The following DOK6 variants were observed in gnomAD, a reference collection of about 807,000 sequenced individuals.
DOK6 encodes downstream of tyrosine kinase 6.
In DOK6, 22 loss-of-function variants were observed where a neutral mutation model predicts 44.0. The observed-to-expected ratio is 0.50, with a 90% CI of 0.36 to 0.71. The LOEUF is 0.71. Ranked by LOEUF, DOK6 falls within the 30% of genes least tolerant of loss-of-function variation. The probability of loss-of-function intolerance (pLI) is 0.00; values close to 1 mark genes in which losing one functional copy is unlikely to be tolerated. For synonymous variants in DOK6, 166 were observed against 145.5 expected (o/e 1.14, Z -1.01); for missense variants, 340 against 416.4 (o/e 0.82, Z 1.60).
chr18:69,535,707 A>G (rs17081169), intron 1 of DOK6, among the ~76,000 whole-genome samples: 25,719 of 151,764 alleles, frequency 0.17, 2,664 homozygotes, highest in East Asian at 0.4. Flanking sequence ...CTATAAAAAT[A>G]TAATACCTTA....
chr18:69,587,036 A>G (rs912518728), intron 2 of DOK6, among the ~76,000 whole-genome samples: 3 of 152,212 alleles, frequency 2.0e-5, no homozygotes, highest in Non-Finnish European at 4.4e-5. Flanking sequence ...AAATGGGGCT[A>G]TATAGAAAAT....
intron 2 of DOK6, among the ~76,000 whole-genome samples, chr18:69,598,692 T>C (rs1983803570): frequency 6.6e-6 from 1 of 152,020 alleles, no homozygotes; most frequent in South Asian, 2.1e-4. Flanking sequence ...CGGGGGAAAT[T>C]AAAGATGCAC....
chr18:69,474,130 T>G (rs1161080376), intron 1 of DOK6, among the ~76,000 whole-genome samples: 1 of 152,196 alleles, frequency 6.6e-6, no homozygotes, highest in Non-Finnish European at 1.5e-5. Flanking sequence ...AATATAGATT[T>G]TATTATATGT....
At chr18:69,790,474 A>C (rs929162883) in intron 7 of DOK6, among the ~76,000 whole-genome samples, 2 of 152,180 alleles carry the variant, frequency 1.3e-5, no homozygotes, top group African/African-American at 4.8e-5. Flanking sequence ...TAAATTATAA[A>C]GTCTAGAATG....
At chr18:69,625,134 C>T (rs1303146769) in intron 3 of DOK6, among the ~76,000 whole-genome samples, 1 of 152,086 alleles carries the variant, frequency 6.6e-6, no homozygotes, top group Non-Finnish European at 1.5e-5. Flanking sequence ...AGTAAGTGTT[C>T]AAAATGCCAT....
chr18:69,670,078 ATATT>A (rs150903955), intron 3 of DOK6, among the ~76,000 whole-genome samples: 16 of 152,174 alleles, frequency 1.1e-4, no homozygotes, highest in South Asian at 6.2e-4. Context: ...TTTTTTGAAC[ATATT>A]TATTTATTTA....
At chr18:69,800,135 T>G (rs949549786) in intron 7 of DOK6, among the ~76,000 whole-genome samples, 6 of 152,074 alleles carry the variant, frequency 3.9e-5, no homozygotes, top group Admixed American at 3.9e-4. Context: ...TTTGGCTTAT[T>G]TTTTCTATTG....
At position 69,537,591 on chromosome 18, in the gene DOK6, T is replaced by G. The variant is rs117205275; in HGVS notation, c.67-26896T>G. On this transcript the variant is annotated intron_variant, in intron 1 of 7. Transcript: ENST00000382713. Reference sequence around the variant, plus strand: ...ACTCAACTAATTATTGAGCACTTATTATGAGAAAGACATATTGAGGAGAGC... The same window carrying G: ...ACTCAACTAATTATTGAGCACTTATGATGAGAAAGACATATTGAGGAGAGC... Among the ~76,000 whole-genome samples, 42 of 152,348 alleles carry G rather than the reference T, an allele frequency of 2.8e-4. No homozygotes were observed. The East Asian group carries it at 7.9e-3, about 29-fold the overall frequency.
intron 3 of DOK6, among the ~76,000 whole-genome samples, chr18:69,643,188 C>T (rs533802566): frequency 2.6e-5 from 4 of 152,300 alleles, no homozygotes; most frequent in African/African-American, 7.2e-5. Context: ...GAGAGCCCAA[C>T]GGTAATGTTT....
chr18:69,476,790 C>T (rs1048331916), intron 1 of DOK6, among the ~76,000 whole-genome samples: 1 of 152,174 alleles, frequency 6.6e-6, no homozygotes, highest in Non-Finnish European at 1.5e-5. Flanking sequence ...TGCTTCCTCC[C>T]ATCTCTTGCT....
At chr18:69,641,630 C>T (rs182636675) in intron 3 of DOK6, among the ~76,000 whole-genome samples, 35 of 152,254 alleles carry the variant, frequency 2.3e-4, no homozygotes, top group African/African-American at 7.5e-4. Flanking sequence ...TATCAGCTGC[C>T]CATACTAATT....
intron 1 of DOK6, among the ~76,000 whole-genome samples, chr18:69,523,287 T>G (rs920000310): frequency 6.6e-6 from 1 of 152,058 alleles, no homozygotes; most frequent in Non-Finnish European, 1.5e-5. Context: ...AAGAATGATT[T>G]TGTGAAATGT....
intron 3 of DOK6, among the ~76,000 whole-genome samples, chr18:69,641,804 T>C (rs1984948029): frequency 6.6e-6 from 1 of 152,174 alleles, no homozygotes; most frequent in South Asian, 2.1e-4. Flanking sequence ...ACAGCCATCT[T>C]GCTGTGCACA....
At chr18:69,838,550 G>C (rs1023385506) in intron 7 of DOK6, among the ~76,000 whole-genome samples, 1 of 152,070 alleles carries the variant, frequency 6.6e-6, no homozygotes, top group African/African-American at 2.4e-5. Flanking sequence ...ACTTAGCATG[G>C]ATTAACTCAT....
intron 1 of DOK6, among the ~76,000 whole-genome samples, chr18:69,456,131 TCATGATATCAAAA>T (rs1979627227): frequency 6.6e-6 from 1 of 152,208 alleles, no homozygotes; most frequent in South Asian, 2.1e-4. Context: ...CCCTCTTTTT[TCATGATATCAAAA>T]CATTGTTTTT....
intron 7 of DOK6, among the ~76,000 whole-genome samples, chr18:69,821,159 A>G (rs969046713): frequency 6.6e-6 from 1 of 152,212 alleles, no homozygotes; most frequent in African/African-American, 2.4e-5. Flanking sequence ...TATATTGGTT[A>G]AAATGGTCTA....
At chr18:69,668,480 T>G (rs1324151659) in intron 3 of DOK6, among the ~76,000 whole-genome samples, 1 of 152,188 alleles carries the variant, frequency 6.6e-6, no homozygotes, top group Non-Finnish European at 1.5e-5. Context: ...CAAGTTTATA[T>G]TTTACACCCT....
chr18:69,419,155 T>C (rs1290866914), intron 1 of DOK6, among the ~76,000 whole-genome samples: 3 of 152,162 alleles, frequency 2.0e-5, no homozygotes, highest in Non-Finnish European at 2.9e-5. Flanking sequence ...TAGAGCCATC[T>C]TGACTAAATT....
intron 1 of DOK6, among the ~76,000 whole-genome samples, chr18:69,437,557 G>T (rs1425912233): frequency 6.6e-6 from 1 of 152,162 alleles, no homozygotes; most frequent in East Asian, 1.9e-4. Context: ...GTACCAGGCT[G>T]TTTTGGTTAC....
Sources: gnomAD v4.1 joint callset for allele counts (sites outside exome capture counted in the v4.1 genomes callset) on GRCh38, gnomAD v4.1.1 for gene constraint, MANE v1.5 for transcripts, NCBI Gene and HGNC (gene_info 2026-07-23, HGNC 2026-07-21) for gene names.